The following SETD7 variants were observed in gnomAD, a reference collection of about 807,000 sequenced individuals.
The protein encoded by SETD7 is SET domain containing 7, histone lysine methyltransferase.
Under a neutral mutation model 41.8 loss-of-function variants are expected in SETD7, and 16 were observed. The observed-to-expected ratio is 0.38, with a 90% CI of 0.26 to 0.58. The LOEUF (loss-of-function observed/expected upper bound fraction) is 0.58. SETD7 is among the 20% of genes least tolerant of loss of function. The pLI is 0.64. For synonymous variants in SETD7, 163 were observed against 169.7 expected (o/e 0.96, Z 0.31); for missense variants, 346 against 459.7 (o/e 0.75, Z 2.26).
downstream of SETD7, among the ~76,000 whole-genome samples, chr4:139,493,693 C>A (rs1726399032): frequency 6.6e-6 from 1 of 152,084 alleles, no homozygotes; most frequent in Non-Finnish European, 1.5e-5. Flanking sequence ...GCATGCACCA[C>A]CAGGCCTGGC....
rs1726817412 is a variant in SETD7 at position 139,509,740 on chromosome 4, AT to A, written c.*1922del. 1.0e-6 allele frequency: 1 copy of A among 985,392 alleles called. No individual in the cohort carries two copies. Among genetic ancestry groups the A allele is most frequent in the African/African-American group, 1.7e-5 (1 of 57,262 alleles). 61.0% of individuals were successfully genotyped at this position (985,392 alleles called of 1,614,324 possible). On this transcript the variant is annotated 3_prime_UTR_variant, in exon 8 of 8. Transcript: ENST00000274031. ...GGCCCTGGCCCATCCGTCACAGTGT[AT>A]AGAACGGTCTCTTTCTACAGAGTAA...
chr4:139,532,927 A>G, intron 3 of SETD7: 1 of 574,770 alleles, frequency 1.7e-6, no homozygotes, highest in South Asian at 2.3e-5. Context: ...TTTAATCATG[A>G]TTAATTACTC....
rs576791082 is a variant in SETD7 at position 139,496,503 on chromosome 4, C to T, written c.939G>A (p.Leu313=). ...CAAATCTGCTTCTTTTACACGTTCC[C>T]AGGTGATTCTTCTGGCCACTGAAAT... Residue 313 remains leucine, a synonymous_variant, in exon 8 of 8, where the codon CTG becomes CTA. Coordinates refer to the SETD7 transcript ENST00000506866. 2.7e-5 allele frequency: 19 copies of T among 702,114 alleles called. No individual in the cohort carries two copies. In the African/African-American group the frequency reaches 2.8e-4, roughly 10 times the overall value. The allele number at this position is 702,114 out of a possible 1,614,324, so 43.5% of individuals were successfully genotyped here.
intron 6 of SETD7, among the ~76,000 whole-genome samples, chr4:139,519,949 G>T (rs1296717367): frequency 1.3e-5 from 2 of 152,124 alleles, no homozygotes; most frequent in Non-Finnish European, 2.9e-5. Context: ...GATGTAAGGG[G>T]CCTTCCTATA....
rs565365001 is a variant in SETD7, at chr4:139,513,335, G to A, written c.921-1492C>T. On this transcript the variant is annotated intron_variant, in intron 7 of 7. Coordinates refer to ENST00000274031, the MANE Select transcript of SETD7 (RefSeq NM_030648.4). ...CTTGGGAGGCTGAAGCACGAGAATC[G>A]CTTGGACCCAAGAGGTGGAGATTGC... 1.8e-4 allele frequency among the ~76,000 whole-genome samples: 27 copies of A among 151,460 alleles called. No individual in the cohort carries two copies. The South Asian group carries it at 5.4e-3, about 30-fold the overall frequency.
At chr4:139,514,907 T>C (rs1272174636) in intron 7 of SETD7, among the ~76,000 whole-genome samples, 1 of 152,216 alleles carries the variant, frequency 6.6e-6, no homozygotes, top group East Asian at 1.9e-4. Context: ...GGCCCACACC[T>C]GTAATCCCAG....
downstream of SETD7, among the ~76,000 whole-genome samples, chr4:139,502,498 C>T (rs1560670966): frequency 1.3e-5 from 2 of 152,168 alleles, no homozygotes; most frequent in Non-Finnish European, 2.9e-5. Flanking sequence ...GCCTGGCTCT[C>T]CTGGACTGCA....
chr4:139,515,541 G>A (rs1727002429), intron 7 of SETD7, among the ~76,000 whole-genome samples: 1 of 152,212 alleles, frequency 6.6e-6, no homozygotes, highest in Non-Finnish European at 1.5e-5. Flanking sequence ...TTAAAGGGTT[G>A]TTGTTAAGCT....
intron 5 of SETD7, among the ~76,000 whole-genome samples, chr4:139,522,470 C>T (rs1296861250): frequency 6.6e-6 from 1 of 152,158 alleles, no homozygotes; most frequent in Non-Finnish European, 1.5e-5. Context: ...GGCTTACAAA[C>T]CAGAAACTTG....
chr4:139,503,914 A>G (rs1726642979), downstream of SETD7, among the ~76,000 whole-genome samples: 1 of 152,176 alleles, frequency 6.6e-6, no homozygotes, highest in Non-Finnish European at 1.5e-5. Context: ...GAGGCCATAG[A>G]AGAGACTTTC....
intron 6 of SETD7, among the ~76,000 whole-genome samples, chr4:139,519,195 T>C (rs1384025740): frequency 1.3e-5 from 2 of 152,194 alleles, no homozygotes; most frequent in African/African-American, 4.8e-5. Context: ...AGTTGTGTAT[T>C]TTTCTTATCT....
chr4:139,518,671 AAAAC>A (rs1727099155), intron 6 of SETD7, among the ~76,000 whole-genome samples: 1 of 152,234 alleles, frequency 6.6e-6, no homozygotes, highest in Non-Finnish European at 1.5e-5. Context: ...AAAAGAAAAA[AAAAC>A]AAAGTAAGAA....
At chr4:139,511,876 G>A (rs373422982) in intron 7 of SETD7, 33 bp from the exon 8 acceptor site, 54 of 1,588,168 alleles carry the variant, frequency 3.4e-5, no homozygotes, top group Admixed American at 7.0e-5. Flanking sequence ...TCATTCCCGG[G>A]CCAGACCAGG....
chr4:139,501,895 G>T (rs2111109823), downstream of SETD7, among the ~76,000 whole-genome samples: 1 of 152,344 alleles, frequency 6.6e-6, no homozygotes, highest in East Asian at 1.9e-4. Flanking sequence ...CTTCACGGGG[G>T]ACTGCTTGGA....
intron 2 of SETD7, among the ~76,000 whole-genome samples, chr4:139,546,019 C>T (rs970624680): frequency 6.6e-6 from 1 of 152,198 alleles, no homozygotes; most frequent in Non-Finnish European, 1.5e-5. Context: ...GAAGCTGGGC[C>T]TGGGCAACCC....
intron 2 of SETD7, among the ~76,000 whole-genome samples, chr4:139,537,519 A>C (rs1727671739): frequency 6.6e-6 from 1 of 152,230 alleles, no homozygotes; most frequent in Non-Finnish European, 1.5e-5. Context: ...CAGCCCTGCC[A>C]TGCACATTAT....
At position 139,518,071 on chromosome 4, in the gene SETD7, AGAGGACCTTTCTCCCCAAAGGTCAAAG is replaced by A. The variant is rs1320736513; in HGVS notation, c.763-56_763-30del. 3 of 1,600,568 alleles carry A rather than the reference AGAGGACCTTTCTCCCCAAAGGTCAAAG, an allele frequency of 1.9e-6. No homozygotes were observed. In the African/African-American group the frequency reaches 4.0e-5, roughly 22 times the overall value. On this transcript the variant is annotated intron_variant, in intron 6 of 7. Coordinates refer to ENST00000274031, the MANE Select transcript of SETD7 (RefSeq NM_030648.4). ...CAGAAAACAAGAAAGCGAGCCTTAG[AGAGGACCTTTCTCCCCAAAGGTCAAAG>A]GACATCAGAGATATTAACTCATTTA...
At chr4:139,518,181 G>A (rs1279660729) in intron 6 of SETD7, 139 bp from the exon 7 acceptor site, 29 of 897,280 alleles carry the variant, frequency 3.2e-5, no homozygotes, top group Middle Eastern at 3.3e-4. Flanking sequence ...AGGCTGGAGC[G>A]CAAGTAGCGT....
At chr4:139,513,154 T>C (rs1726927392) in intron 7 of SETD7, among the ~76,000 whole-genome samples, 1 of 151,902 alleles carries the variant, frequency 6.6e-6, no homozygotes, top group South Asian at 2.1e-4. Context: ...ACATGGTGGC[T>C]CACCTCTGTA....
Sources: gnomAD v4.1 joint callset for allele counts (sites outside exome capture counted in the v4.1 genomes callset) on GRCh38, gnomAD v4.1.1 for gene constraint, MANE v1.5 for transcripts, NCBI Gene and HGNC (gene_info 2026-07-23, HGNC 2026-07-21) for gene names.